SSBP3: variants seen among roughly 807,000 people sequenced by gnomAD.
SSBP3 encodes the protein single-stranded DNA-binding protein 3.
Under a neutral mutation model 69.6 loss-of-function variants are expected in SSBP3, and 5 were observed. The ratio of observed to expected loss-of-function variants is 0.07; its 90% confidence interval spans 0.04 to 0.15. The LOEUF (loss-of-function observed/expected upper bound fraction) is 0.15. Ranked by LOEUF, SSBP3 falls within the 10% of genes least tolerant of loss-of-function variation. The pLI, the probability that SSBP3 is intolerant of heterozygous loss-of-function variation, is 1.00. For synonymous variants in SSBP3, 196 were observed against 193.4 expected (o/e 1.01, Z -0.11); for missense variants, 312 against 534.0 (o/e 0.58, Z 4.10).
intron 4 of SSBP3, among the ~76,000 whole-genome samples, chr1:54,329,345 CA>C (rs1335711885): frequency 6.6e-6 from 1 of 152,216 alleles, no homozygotes; most frequent in Non-Finnish European, 1.5e-5. Flanking sequence ...AATCTTAAAT[CA>C]AGGTGCATTT....
At chr1:54,334,823 C>T (rs1368467824) in intron 4 of SSBP3, among the ~76,000 whole-genome samples, 1 of 152,218 alleles carries the variant, frequency 6.6e-6, no homozygotes, top group African/African-American at 2.4e-5. Flanking sequence ...CAGCTACATT[C>T]AAGGGCCACT....
intron 14 of SSBP3, among the ~76,000 whole-genome samples, chr1:54,234,164 T>C (rs1268650887): frequency 6.6e-6 from 1 of 150,682 alleles, no homozygotes; most frequent in Non-Finnish European, 1.5e-5. Flanking sequence ...TCGTTAAGAG[T>C]CGTCACCACT....
At chr1:54,257,521 AG>A (rs1644943316) in intron 6 of SSBP3, among the ~76,000 whole-genome samples, 1 of 152,172 alleles carries the variant, frequency 6.6e-6, no homozygotes. Context: ...GGCAAATGAA[AG>A]GGTAAGAAGG....
chr1:54,392,057 CACAGTCCCACCCCCTCCA>C (rs1357451668), intron 4 of SSBP3, among the ~76,000 whole-genome samples: 1 of 151,788 alleles, frequency 6.6e-6, no homozygotes, highest in Non-Finnish European at 1.5e-5. Flanking sequence ...TGGTCCAGGC[CACAGTCCCACCCCCTCCA>C]ATGGGAGCTG....
chr1:54,248,180 C>T (rs901321523), intron 9 of SSBP3, among the ~76,000 whole-genome samples: 1 of 152,234 alleles, frequency 6.6e-6, no homozygotes, highest in Non-Finnish European at 1.5e-5. Flanking sequence ...CTGTGAATCA[C>T]ATGCCGATGG....
intron 5 of SSBP3, among the ~76,000 whole-genome samples, chr1:54,265,089 G>C (rs920266310): frequency 1.3e-5 from 2 of 152,186 alleles, no homozygotes; most frequent in African/African-American, 4.8e-5. Context: ...GCTCAGTCTG[G>C]GGAGAAGGTC....
At chr1:54,286,940 G>A (rs181008678) in intron 4 of SSBP3, 1 of 152,344 alleles carries the variant, frequency 6.6e-6, no homozygotes, top group East Asian at 1.9e-4. Context: ...TGGACTTGAC[G>A]AGTCCCCACA....
At chr1:54,383,564 C>T (rs1647844126) in intron 4 of SSBP3, among the ~76,000 whole-genome samples, 1 of 152,174 alleles carries the variant, frequency 6.6e-6, no homozygotes, top group African/African-American at 2.4e-5. Context: ...TAAGCAAACA[C>T]AAGTCTTCTT....
chr1:54,406,688 A>G (rs1291132474), upstream of SSBP3, among the ~76,000 whole-genome samples: 1 of 151,424 alleles, frequency 6.6e-6, no homozygotes, highest in Non-Finnish European at 1.5e-5. Flanking sequence ...TCCTCGCCCC[A>G]GCGAGGAGGG....
At chr1:54,378,973 C>G (rs1647407722) in intron 4 of SSBP3, among the ~76,000 whole-genome samples, 1 of 152,220 alleles carries the variant, frequency 6.6e-6, no homozygotes, top group Non-Finnish European at 1.5e-5. Flanking sequence ...ACACCCTCCC[C>G]ACCCAGGCCA....
At chr1:54,314,189 G>A (rs1483001141) in intron 4 of SSBP3, among the ~76,000 whole-genome samples, 1 of 152,194 alleles carries the variant, frequency 6.6e-6, no homozygotes, top group East Asian at 1.9e-4. Context: ...AAGGTAAAAC[G>A]TAGACCCAGT....
rs183439485 is a variant in SSBP3, at chr1:54,399,782, T to C, written c.276+2079A>G. On this transcript the variant is annotated intron_variant, in intron 4 of 17. Transcript: ENST00000610401. ...GACTGGAGAAAGACAAAAAGAAAAGTGGGCTCCTTTTCCTAATTTTCTGAA... is the reference window on the plus strand; with the variant it reads ...GACTGGAGAAAGACAAAAAGAAAAGCGGGCTCCTTTTCCTAATTTTCTGAA... Among the ~76,000 whole-genome samples the C allele has an allele frequency of 4.6e-5, 7 of 152,214 alleles. No individual in the cohort carries two copies. In the East Asian group the frequency reaches 7.7e-4, roughly 17 times the overall value.
chr1:54,267,753 A>G (rs1165613185), intron 5 of SSBP3, among the ~76,000 whole-genome samples: 1 of 152,182 alleles, frequency 6.6e-6, no homozygotes, highest in East Asian at 1.9e-4. Context: ...TGGGAATCAC[A>G]TATCTATTCT....
At chr1:54,301,894 A>T (rs931328687) in intron 4 of SSBP3, among the ~76,000 whole-genome samples, 3 of 152,204 alleles carry the variant, frequency 2.0e-5, no homozygotes, top group African/African-American at 7.2e-5. Flanking sequence ...TGGGTTTAGA[A>T]TCCTACCCAA....
At chr1:54,253,461 G>A (rs191801101) in intron 7 of SSBP3, among the ~76,000 whole-genome samples, 250 of 152,164 alleles carry the variant, frequency 1.6e-3, no homozygotes, top group African/African-American at 5.6e-3. Context: ...CAAAATGCTG[G>A]GATTACAGGT....
chr1:54,399,828 T>G (rs1476615510), intron 4 of SSBP3, among the ~76,000 whole-genome samples: 1 of 152,206 alleles, frequency 6.6e-6, no homozygotes, highest in Non-Finnish European at 1.5e-5. Context: ...GTTTTCCACT[T>G]GCTTCTCTGC....
At chr1:54,406,847 C>G (rs1411657155), upstream of SSBP3, among the ~76,000 whole-genome samples, 1 of 151,236 alleles carries the variant, frequency 6.6e-6, no homozygotes, top group African/African-American at 2.4e-5. Flanking sequence ...CCCTCAGCTC[C>G]CCCCCGCCGC....
intron 4 of SSBP3, among the ~76,000 whole-genome samples, chr1:54,296,442 CT>C (rs1033827020): frequency 8.5e-5 from 13 of 152,246 alleles, no homozygotes; most frequent in African/African-American, 3.1e-4. Flanking sequence ...CCATGGTCCT[CT>C]CTGGCCAAGA....
chr1:54,228,866 T>C (rs763092887), intron 14 of SSBP3, 40 bp from the exon 15 acceptor site: 1 of 1,589,450 alleles, frequency 6.3e-7, no homozygotes, highest in Admixed American at 1.7e-5. Flanking sequence ...CAGCGGGCCC[T>C]GGCCCTCTGC....
Sources: allele counts gnomAD v4.1 joint callset (sites outside exome capture counted in the v4.1 genomes callset), GRCh38; gene constraint gnomAD v4.1.1; transcripts MANE v1.5; gene names NCBI Gene and HGNC (gene_info 2026-07-23, HGNC 2026-07-21).